Variants in PPP2R2B observed in about 807,000 individuals in gnomAD.
PPP2R2B encodes the protein serine/threonine-protein phosphatase 2A 55 kDa regulatory subunit B beta isoform.
A neutral mutation model predicts 46.0 loss-of-function variants in PPP2R2B; 5 were observed. The observed-to-expected ratio is 0.11, with a 90% CI of 0.06 to 0.23. The LOEUF is 0.23. Among genes scored for constraint, PPP2R2B ranks in the 10% least tolerant of loss-of-function variants. The pLI, the probability that PPP2R2B is intolerant of heterozygous loss-of-function variation, is 1.00. For missense variants in PPP2R2B, 367 were observed against 575.0 expected (o/e 0.64, Z 3.70); for synonymous variants, 215 against 206.7 (o/e 1.04, Z -0.34).
intron 1 of PPP2R2B, among the ~76,000 whole-genome samples, chr5:146,888,293 T>A (rs918408156): frequency 2.6e-5 from 4 of 152,070 alleles, no homozygotes; most frequent in Non-Finnish European, 5.9e-5. Context: ...GGCATCTCAA[T>A]CCCTAATTCT....
intron 5 of PPP2R2B, among the ~76,000 whole-genome samples, chr5:146,686,210 G>A (rs1027226057): frequency 2.0e-4 from 30 of 152,190 alleles, no homozygotes; most frequent in Admixed American, 1.7e-3. Flanking sequence ...TCCAGGTGCC[G>A]GAGTTGCAGG....
intron 1 of PPP2R2B, among the ~76,000 whole-genome samples, chr5:146,946,041 T>G (rs1247808001): frequency 6.6e-6 from 1 of 152,134 alleles, no homozygotes; most frequent in Admixed American, 6.6e-5. Context: ...AATTCACAAT[T>G]TAGTTTTTGA....
rs1361109669 is a variant in PPP2R2B, at chr5:147,069,792, T to TTTTTTTG, written c.50+11266_50+11267insCAAAAAA. ...ATGAACACATTTTATACTGTTTTTT[T>TTTTTTTG]TTTTTTTTTTTTTTTTGAGATGGAG... On this transcript the variant is annotated intron_variant, in intron 2 of 10. Transcript: ENST00000394413. Among the ~76,000 whole-genome samples the TTTTTTTG allele has an allele frequency of 5.4e-3, 670 of 123,040 alleles. 41 individuals carry two copies. The highest frequency in any genetic ancestry group is 9.4e-3 in the Non-Finnish European group (559 of 59,372). The allele number at this position is 123,040 out of a possible 152,430, so 80.7% of individuals were successfully genotyped here.
intron 1 of PPP2R2B, among the ~76,000 whole-genome samples, chr5:146,944,260 G>A (rs1764410920): frequency 6.6e-6 from 1 of 152,102 alleles, no homozygotes; most frequent in Admixed American, 6.6e-5. Context: ...CATGGCAATT[G>A]TGTCTCCAGG....
exon 1 of PPP2R2B, chr5:147,055,851 C>T: frequency 6.7e-7 from 1 of 1,483,404 alleles, no homozygotes; most frequent in Non-Finnish European, 8.9e-7. Context: ...TATGTAGGTT[C>T]TTTCCCAGAT....
intron 5 of PPP2R2B, among the ~76,000 whole-genome samples, chr5:146,652,045 G>A (rs1427056000): frequency 1.3e-5 from 2 of 152,150 alleles, no homozygotes; most frequent in African/African-American, 2.4e-5. Flanking sequence ...AGAAGGGTCA[G>A]GGGTCCTCTG....
intron 1 of PPP2R2B, among the ~76,000 whole-genome samples, chr5:146,967,980 C>T (rs566740844): frequency 1.4e-3 from 211 of 152,274 alleles, no homozygotes; most frequent in African/African-American, 4.7e-3. Flanking sequence ...TTATATAAGC[C>T]GCATGCACCA....
At chr5:146,881,408 T>A (rs1345853728), upstream of PPP2R2B, among the ~76,000 whole-genome samples, 1 of 152,046 alleles carries the variant, frequency 6.6e-6, no homozygotes, top group Non-Finnish European at 1.5e-5. Flanking sequence ...ATTTTCTTTT[T>A]TTATTTTATT....
intron 2 of PPP2R2B, among the ~76,000 whole-genome samples, chr5:146,809,887 G>A (rs944357325): frequency 6.6e-6 from 1 of 152,148 alleles, no homozygotes; most frequent in Non-Finnish European, 1.5e-5. Context: ...AAATGGCAGT[G>A]GCTTAGACTC....
chr5:147,051,175 G>T (rs1378871856), intron 1 of PPP2R2B, among the ~76,000 whole-genome samples: 1 of 152,204 alleles, frequency 6.6e-6, no homozygotes, highest in Non-Finnish European at 1.5e-5. Context: ...TGTGCAGTGT[G>T]ATATAAAGAT....
chr5:146,702,688 A>G (rs538394851), intron 2 of PPP2R2B, among the ~76,000 whole-genome samples: 1 of 152,326 alleles, frequency 6.6e-6, no homozygotes, highest in Non-Finnish European at 1.5e-5. Flanking sequence ...ATTTTTTCCA[A>G]TGCCATGAGA....
Position 146,963,872 on chromosome 5 carries a change from G to T in PPP2R2B, c.79+91793C>A, listed in dbSNP as rs560883635. 2.6e-5 allele frequency among the ~76,000 whole-genome samples: 4 copies of T among 152,216 alleles called. No homozygotes were observed. The East Asian group carries it at 7.7e-4, about 29-fold the overall frequency. On this transcript the variant is annotated intron_variant, in intron 1 of 8. Transcript: ENST00000336640. ...TATCTGTGCTAATTTCTCAAATATT[G>T]TATAAAAGGAGTTGTCCTCTAAAAA...
At chr5:146,594,388 G>T (rs1383848157) in intron 8 of PPP2R2B, among the ~76,000 whole-genome samples, 1 of 152,186 alleles carries the variant, frequency 6.6e-6, no homozygotes, top group African/African-American at 2.4e-5. Flanking sequence ...GCTACATTCA[G>T]CAACTCAGCT....
intron 1 of PPP2R2B, among the ~76,000 whole-genome samples, chr5:146,924,105 A>G (rs1293284539): frequency 1.1e-4 from 17 of 152,166 alleles, no homozygotes; most frequent in Admixed American, 1.0e-3. Context: ...GAGGATCAGG[A>G]AAAATAACTA....
At chr5:146,896,252 GGTA>G (rs1762640480) in intron 1 of PPP2R2B, among the ~76,000 whole-genome samples, 2 of 152,250 alleles carry the variant, frequency 1.3e-5, no homozygotes, top group South Asian at 2.1e-4. Context: ...CCAAGTACCA[GGTA>G]TTATGCATGT....
intron 5 of PPP2R2B, among the ~76,000 whole-genome samples, chr5:146,683,666 A>T (rs1224521353): frequency 4.6e-5 from 7 of 152,188 alleles, no homozygotes; most frequent in Admixed American, 4.6e-4. Flanking sequence ...AATATTAGCC[A>T]ATGAGCAGAA....
At chr5:146,812,175 C>T (rs566954012) in intron 2 of PPP2R2B, among the ~76,000 whole-genome samples, 2 of 151,886 alleles carry the variant, frequency 1.3e-5, no homozygotes, top group African/African-American at 4.8e-5. Context: ...TAGCTCAAAA[C>T]AGAGGAAAGT....
At chr5:146,627,489 G>A (rs111928450) in intron 7 of PPP2R2B, among the ~76,000 whole-genome samples, 438 of 152,308 alleles carry the variant, frequency 2.9e-3, no homozygotes, top group African/African-American at 0.01. Context: ...TCTGTGTAAT[G>A]GCAGAATTAA....
intron 7 of PPP2R2B, among the ~76,000 whole-genome samples, chr5:146,604,137 G>A (rs528379136): frequency 6.6e-5 from 10 of 152,282 alleles, no homozygotes; most frequent in African/African-American, 2.4e-4. Flanking sequence ...GGGGACAAAT[G>A]TTTAGCAATC....
Sources: gnomAD v4.1 joint callset for allele counts (sites outside exome capture counted in the v4.1 genomes callset) on GRCh38, gnomAD v4.1.1 for gene constraint, MANE v1.5 for transcripts, NCBI Gene and HGNC (gene_info 2026-07-23, HGNC 2026-07-21) for gene names.